EPGN: variants seen among roughly 807,000 people sequenced by gnomAD.
The protein encoded by EPGN is epigen.
Under a neutral mutation model 20.7 loss-of-function variants are expected in EPGN, and 21 were observed. The ratio of observed to expected loss-of-function variants is 1.01; its 90% confidence interval spans 0.72 to 1.46. EPGN has a LOEUF of 1.46. Among genes scored for constraint, EPGN ranks in the 40% most tolerant of loss-of-function variants. EPGN has a pLI of 0.00. For missense variants in EPGN, 199 were observed against 180.7 expected (o/e 1.10, Z -0.58); for synonymous variants, 69 against 63.8 (o/e 1.08, Z -0.39).
chr4:74,308,563 T>A lies in EPGN; in HGVS notation c.30T>A (p.Tyr10Ter), dbSNP rs754415961. 1 of 1,610,402 alleles carries A rather than the reference T, an allele frequency of 6.2e-7. No homozygotes were observed. Among genetic ancestry groups the A allele is most frequent in the Admixed American group, 1.7e-5 (1 of 59,820 alleles). MALGVPISV[Y>*]LLFNAMTALT... ...CTTTGGGAGTTCCAATATCAGTCTATCTTTTATTCAACGGTAGGTAATTTC... is the reference window on the plus strand; with the variant it reads ...CTTTGGGAGTTCCAATATCAGTCTAACTTTTATTCAACGGTAGGTAATTTC... The change falls in exon 1 of 5, where the codon TAT (tyrosine) becomes TAA (stop). Residue 10 changes from tyrosine to a stop codon, truncating the protein, a stop_gained. Coordinates refer to ENST00000413830, the MANE Select transcript of EPGN (RefSeq NM_001270989.2). LOFTEE classifies it high-confidence loss of function.
intron 4 of EPGN, chr4:74,313,521 C>T (rs1751104094): frequency 8.9e-7 from 1 of 1,119,658 alleles, no homozygotes; most frequent in Non-Finnish European, 1.1e-6. Context: ...TTACACTATG[C>T]CTAGCACACA....
chr4:74,310,367 A>G (rs1463359311), intron 2 of EPGN, among the ~76,000 whole-genome samples: 1 of 147,710 alleles, frequency 6.8e-6, no homozygotes, highest in Non-Finnish European at 1.5e-5. Context: ...GAGGCTGATG[A>G]AGGAGAATTG....
At chr4:74,313,835 T>G (rs1469353669) in intron 4 of EPGN, among the ~76,000 whole-genome samples, 1 of 152,200 alleles carries the variant, frequency 6.6e-6, no homozygotes, top group Admixed American at 6.5e-5. Context: ...TTATTTCCCT[T>G]GCTGTACTCT....
chr4:74,308,575 C>A lies in EPGN; in HGVS notation c.42C>A (p.Asn14Lys), dbSNP rs144683986. The change falls in exon 1 of 5, where the codon AAC becomes AAA. Residue 14 changes from asparagine to lysine, a missense_variant and splice_region_variant. Asn to Lys is a moderately conservative substitution (Grantham distance 94, BLOSUM62 0). Transcript: ENST00000413830. ...CAATATCAGTCTATCTTTTATTCAACGGTAGGTAATTTCCTTTTGTTTTGT... is the reference window on the plus strand; with the variant it reads ...CAATATCAGTCTATCTTTTATTCAAAGGTAGGTAATTTCCTTTTGTTTTGT... ...GVPISVYLLF[N>K]AMTALTEEAA... The A allele has an allele frequency of 2.5e-6, 4 of 1,607,952 alleles. No homozygotes were observed. The African/African-American group carries it at 4.0e-5, about 16-fold the overall frequency.
intron 2 of EPGN, 97 bp downstream of exon 2, chr4:74,309,279 ATATTT>A: frequency 2.5e-6 from 2 of 795,106 alleles, no homozygotes; most frequent in Non-Finnish European, 3.9e-6. Flanking sequence ...TTTTTAATAT[ATATTT>A]TATTATTAGA....
chr4:74,309,388 A>G (rs1417262273), intron 2 of EPGN, among the ~76,000 whole-genome samples: 1 of 152,210 alleles, frequency 6.6e-6, no homozygotes, highest in Non-Finnish European at 1.5e-5. Context: ...AGTTAAGCAA[A>G]TGAGACAAAA....
chr4:74,311,266 A>G (rs75967466), intron 2 of EPGN, among the ~76,000 whole-genome samples: 9,997 of 152,150 alleles, frequency 0.066, 774 homozygotes, highest in African/African-American at 0.18. Context: ...TTTATAATGG[A>G]AAATTCTCAC....
At chr4:74,311,746 T>C (rs1750970235) in intron 2 of EPGN, among the ~76,000 whole-genome samples, 1 of 152,152 alleles carries the variant, frequency 6.6e-6, no homozygotes, top group Non-Finnish European at 1.5e-5. Flanking sequence ...ATCTCACAAG[T>C]GTAAATTCAA....
intron 4 of EPGN, 136 bp from the exon 5 acceptor site, chr4:74,314,444 G>C: frequency 1.2e-6 from 1 of 805,880 alleles, no homozygotes; most frequent in Non-Finnish European, 2.0e-6. Flanking sequence ...CAGCTGCTGA[G>C]GGATGGGTTG....
rs1458275087 is a variant in EPGN, at chr4:74,315,245, C to A, written c.*608C>A. ...ATGTCCAAGGCAAATACAAATCATA[C>A]ACAGCTTGTAACAACATACAGCCTT... On this transcript the variant is annotated 3_prime_UTR_variant, in exon 5 of 5. Transcript: ENST00000413830. 2 of 152,568 alleles carry A rather than the reference C, an allele frequency of 1.3e-5. No homozygotes were observed. Among genetic ancestry groups the A allele is most frequent in the Admixed American group, 6.5e-5 (1 of 15,288 alleles). The allele number at this position is 152,568 out of a possible 1,614,324, so 9.5% of individuals were successfully genotyped here. A position where few individuals can be genotyped will look rare whatever the true frequency, so the allele number is the denominator to read the frequency against.
At chr4:74,310,906 A>C (rs1199717272) in intron 2 of EPGN, among the ~76,000 whole-genome samples, 1 of 152,126 alleles carries the variant, frequency 6.6e-6, no homozygotes, top group Non-Finnish European at 1.5e-5. Flanking sequence ...TGTTATGTAC[A>C]GATGCTTTTT....
At chr4:74,310,150 T>C (rs1278475939) in intron 2 of EPGN, among the ~76,000 whole-genome samples, 1 of 152,126 alleles carries the variant, frequency 6.6e-6, no homozygotes, top group African/African-American at 2.4e-5. Context: ...CACCTTATTA[T>C]AATTATTATA....
rs1358282786 is a variant in EPGN, at chr4:74,315,756, A to G, written c.*1119A>G. On this transcript the variant is annotated 3_prime_UTR_variant, in exon 5 of 5. Coordinates refer to ENST00000413830, the MANE Select transcript of EPGN (RefSeq NM_001270989.2). ...CACCTGAGGTCAGGAGTTTGAGACC[A>G]GCCTGGCCAACATGGTGAAACCCTG... Among the ~76,000 whole-genome samples the G allele has an allele frequency of 2.0e-5, 3 of 152,062 alleles. No individual in the cohort carries two copies. Among genetic ancestry groups the G allele is most frequent in the African/African-American group, 7.2e-5 (3 of 41,406 alleles).
At chr4:74,314,476 G>T (rs977636814) in intron 4 of EPGN, 104 bp from the exon 5 acceptor site, 19 of 1,111,488 alleles carry the variant, frequency 1.7e-5, no homozygotes, top group Non-Finnish European at 2.3e-5. Flanking sequence ...AAGGGGATCT[G>T]GGTGGGACAC....
At chr4:74,311,299 A>G (rs1292322403) in intron 2 of EPGN, among the ~76,000 whole-genome samples, 5 of 152,162 alleles carry the variant, frequency 3.3e-5, no homozygotes, top group Admixed American at 3.3e-4. Flanking sequence ...AATTATTAAA[A>G]TGATAAATTA....
Position 74,314,938 on chromosome 4 carries a change from C to T in EPGN, c.*301C>T, listed in dbSNP as rs906047993. ...CTACAGAAAGACTGAGTTTCATGCT[C>T]CTGGCTATGTCAGATGTGAATTTTC... On this transcript the variant is annotated 3_prime_UTR_variant, in exon 5 of 5. Transcript: ENST00000413830. 4 of 374,768 alleles carry T rather than the reference C, an allele frequency of 1.1e-5. No individual in the cohort carries two copies. Among genetic ancestry groups the T allele is most frequent in the Non-Finnish European group, 1.4e-5 (3 of 207,678 alleles). The allele number at this position is 374,768 out of a possible 1,614,324, so 23.2% of individuals were successfully genotyped here.
rs1445754141 is a variant in EPGN, at chr4:74,308,580, G to A, written c.43+4G>A. On this transcript the variant is annotated splice_donor_region_variant and intron_variant, in intron 1 of 4. Coordinates refer to ENST00000413830, the MANE Select transcript of EPGN (RefSeq NM_001270989.2). ...TCAGTCTATCTTTTATTCAACGGTA[G>A]GTAATTTCCTTTTGTTTTGTTAACT... is the stretch of plus-strand genomic sequence containing the variant. 1.2e-6 allele frequency: 2 copies of A among 1,608,138 alleles called. No homozygotes were observed. The highest frequency in any genetic ancestry group is 1.7e-5 in the Admixed American group (1 of 59,640).
intron 4 of EPGN, chr4:74,313,592 T>C (rs1158277483): frequency 1.2e-5 from 12 of 1,017,286 alleles, no homozygotes; most frequent in African/African-American, 1.7e-5. Flanking sequence ...AAAAACTGAA[T>C]AAAAATGTAT....
intron 2 of EPGN, among the ~76,000 whole-genome samples, chr4:74,309,715 A>G (rs1481635823): frequency 3.3e-5 from 5 of 151,974 alleles, no homozygotes; most frequent in Admixed American, 6.6e-5. Flanking sequence ...GTAATGATAT[A>G]TTTTCTTTTG....
Sources: gnomAD v4.1 joint callset for allele counts (sites outside exome capture counted in the v4.1 genomes callset) on GRCh38, gnomAD v4.1.1 for gene constraint, MANE v1.5 for transcripts, NCBI Gene and HGNC (gene_info 2026-07-23, HGNC 2026-07-21) for gene names.